Variants in ABCC5 observed in about 807,000 individuals in gnomAD.
ABCC5 encodes the protein ATP-binding cassette sub-family C member 5.
A neutral mutation model predicts 160.9 loss-of-function variants in ABCC5; 61 were observed. The ratio of observed to expected loss-of-function variants is 0.38; its 90% CI spans 0.31 to 0.47. The LOEUF (loss-of-function observed/expected upper bound fraction) is 0.47. Ranked by LOEUF, ABCC5 falls within the 20% of genes least tolerant of loss-of-function variation. ABCC5 has a pLI of 0.99. For synonymous variants in ABCC5, 666 were observed against 700.6 expected (o/e 0.95, Z 0.78); for missense variants, 1,308 against 1,813.3 (o/e 0.72, Z 5.06).
chr3:183,975,515 G>T (rs1718137180), intron 10 of ABCC5, among the ~76,000 whole-genome samples: 1 of 151,746 alleles, frequency 6.6e-6, no homozygotes, highest in Non-Finnish European at 1.5e-5. Flanking sequence ...CTAATTTTTT[G>T]GATTTTTAGT....
chr3:183,978,870 C>A (rs1278980166), intron 8 of ABCC5, among the ~76,000 whole-genome samples: 1 of 152,192 alleles, frequency 6.6e-6, no homozygotes, highest in Non-Finnish European at 1.5e-5. Context: ...TGAACTCAAT[C>A]ATCATCTTCT....
chr3:183,923,155 G>A (rs1466721553), intron 29 of ABCC5, among the ~76,000 whole-genome samples: 2 of 151,174 alleles, frequency 1.3e-5, no homozygotes, highest in East Asian at 1.9e-4. Flanking sequence ...CTTTTCTGGT[G>A]TGTGTGTGGT....
In ABCC5 at chr3:183,963,411, C is replaced by T. The variant is rs779669395; in HGVS notation, c.2209G>A (p.Val737Ile). 6.2e-7 allele frequency: 1 copy of T among 1,614,246 alleles called. No individual in the cohort carries two copies. The change falls in exon 15 of 30, where the codon GTT becomes ATT. Residue 737 changes from valine (V) to isoleucine (I), a missense_variant. Val to Ile is a conservative substitution (Grantham distance 29, BLOSUM62 3). Coordinates refer to ENST00000334444, the MANE Select transcript of ABCC5 (RefSeq NM_005688.4). This position sits in a 1 kb window ranked among gnomAD's most constrained non-coding sequence, Gnocchi z 4.6. ...TGTAACTGGTGGGTAACAAACAGAA[C>T]TGTCTTGGACTTGAGATGTTTCCGG... ...AIRKHLKSKT[V>I]LFVTHQLQYL... is the part of the protein sequence containing the mutation.
At chr3:183,994,718 T>C (rs1186923566) in intron 2 of ABCC5, among the ~76,000 whole-genome samples, 4 of 152,158 alleles carry the variant, frequency 2.6e-5, no homozygotes, top group African/African-American at 7.2e-5. Flanking sequence ...ATAGGTGTGG[T>C]ATGGTATCTT....
chr3:183,962,509 G>A, intron 15 of ABCC5, among the ~76,000 whole-genome samples: 1 of 151,656 alleles, frequency 6.6e-6, no homozygotes, highest in Admixed American at 6.6e-5. Context: ...CATAGTATAA[G>A]GAGCAGTTCC....
Position 184,014,369 on chromosome 3 carries a change from T to G in ABCC5, c.24A>C (p.Lys8Asn), listed in dbSNP as rs200090959. The change falls in exon 2 of 30, where the codon AAA becomes AAC. Residue 8 changes from lysine to asparagine, a missense_variant. By Grantham distance (94) the Lys-to-Asn change is moderately conservative. Around this residue, in one of 3 missense-constraint regions of ABCC5, gnomAD observed 1,142 missense variants for 1,527.1 expected, o/e 0.75. Transcript: ENST00000334444. ...ACCCAGGACTGGGGATGATATACTC[T>G]TTTCCTATGTCGATATCCTTCATCT... MKDIDIG[K>N]EYIIPSPGYR... 86 of 1,613,354 alleles carry G rather than the reference T, an allele frequency of 5.3e-5. No individual in the cohort carries two copies. Among genetic ancestry groups the G allele is most frequent in the Middle Eastern group, 1.6e-4 (1 of 6,084 alleles).
intron 26 of ABCC5, among the ~76,000 whole-genome samples, chr3:183,935,866 T>C (rs1713661141): frequency 6.6e-6 from 1 of 152,216 alleles, no homozygotes; most frequent in South Asian, 2.1e-4. Flanking sequence ...CCAAAGAGAA[T>C]GGTTTATTAT....
Position 183,982,333 on chromosome 3 carries a change from G to T in ABCC5, c.999+118C>A. 8.3e-7 allele frequency: 1 copy of T among 1,202,234 alleles called. No homozygotes were observed. The highest frequency in any genetic ancestry group is 1.2e-6 in the Non-Finnish European group (1 of 868,408). 74.5% of individuals were successfully genotyped at this position (1,202,234 alleles called of 1,614,324 possible). On this transcript the variant is annotated intron_variant, in intron 7 of 29. Transcript: ENST00000334444. This position sits in a 1 kb window ranked among gnomAD's most constrained non-coding sequence, Gnocchi z 5.2. ...CACTATCGAGCTCTAGATTGAACCT[G>T]CTTTGAGGAAATTTCCAATCAGAGC...
At chr3:184,000,813 A>C (rs1720689325) in intron 2 of ABCC5, 1 of 162,182 alleles carries the variant, frequency 6.2e-6, no homozygotes, top group African/African-American at 2.4e-5. Flanking sequence ...AACAGCTTAC[A>C]GGGATCTAAA....
intron 17 of ABCC5, among the ~76,000 whole-genome samples, 157 bp from the exon 18 acceptor site, chr3:183,953,427 T>A (rs1051280713): frequency 5.9e-5 from 9 of 152,132 alleles, no homozygotes; most frequent in African/African-American, 2.2e-4. Context: ...CTATTTAACA[T>A]TTACTGAGCA....
chr3:183,957,965 C>T (rs1263674221), intron 17 of ABCC5, among the ~76,000 whole-genome samples: 1 of 151,698 alleles, frequency 6.6e-6, no homozygotes, highest in Non-Finnish European at 1.5e-5. Flanking sequence ...ACATCGGTTA[C>T]ATGCGGATCC....
intron 27 of ABCC5, among the ~76,000 whole-genome samples, chr3:183,928,256 T>TGCA (rs1712802087): frequency 6.6e-6 from 1 of 151,762 alleles, no homozygotes; most frequent in South Asian, 2.1e-4. Context: ...GGATTACAGG[T>TGCA]GCATGCCACC....
intron 12 of ABCC5, among the ~76,000 whole-genome samples, chr3:183,966,032 C>A (rs1039506558): frequency 6.6e-6 from 1 of 152,180 alleles, no homozygotes; most frequent in Non-Finnish European, 1.5e-5. Flanking sequence ...TGCCCACAAG[C>A]AGTGATGAAC....
rs1717132320 is a variant in ABCC5, at chr3:183,965,471, T to C, written c.1864A>G (p.Ser622Gly). The C allele has an allele frequency of 1.2e-6, 2 of 1,613,784 alleles. No homozygotes were observed. Among genetic ancestry groups the C allele is most frequent in the Non-Finnish European group, 8.5e-7 (1 of 1,180,028 alleles). The change falls in exon 13 of 30, where the codon AGT (serine) becomes GGT (glycine). Residue 622 changes from serine (S) to glycine (G), a missense_variant. Physicochemically the swap from Ser to Gly is moderately conservative, Grantham distance 56 (BLOSUM62 0). Around this residue, in one of 3 missense-constraint regions of ABCC5, gnomAD observed 1,142 missense variants for 1,527.1 expected, o/e 0.75. Coordinates refer to ENST00000334444, the MANE Select transcript of ABCC5 (RefSeq NM_005688.4). ...TGGGCCACATAAGCGAAGGTTCCAC[T>C]GATTGCAATGCTGCCCTCTAGAAGC... ...MTLLEGSIAI[S>G]GTFAYVAQQA...
At chr3:184,001,215 C>T (rs773039896) in intron 2 of ABCC5, 21 of 527,242 alleles carry the variant, frequency 4.0e-5, no homozygotes, top group East Asian at 3.7e-4. Flanking sequence ...GTCATGCCAC[C>T]GCACTACAGT....
At chr3:183,998,959 A>C (rs1720516341) in intron 2 of ABCC5, among the ~76,000 whole-genome samples, 1 of 151,970 alleles carries the variant, frequency 6.6e-6, no homozygotes, top group Admixed American at 6.6e-5. Flanking sequence ...GCATGGTGGC[A>C]CATGCCTATA....
chr3:183,966,254 G>A (rs190344385), intron 12 of ABCC5, among the ~76,000 whole-genome samples: 10 of 152,312 alleles, frequency 6.6e-5, no homozygotes, highest in Admixed American at 1.3e-4. Flanking sequence ...CACACAGCGT[G>A]TACACACACA....
intron 23 of ABCC5, among the ~76,000 whole-genome samples, chr3:183,946,150 G>C (rs962846072): frequency 2.0e-5 from 3 of 152,174 alleles, no homozygotes; most frequent in African/African-American, 7.2e-5. Context: ...TCATGGCACT[G>C]CTGGAACCAC....
chr3:183,994,153 C>A (rs533530818), intron 2 of ABCC5, among the ~76,000 whole-genome samples: 1 of 151,642 alleles, frequency 6.6e-6, no homozygotes, highest in Non-Finnish European at 1.5e-5. Context: ...AGTAGAGATG[C>A]CATTTTGCCC....
Sources: allele counts gnomAD v4.1 joint callset (sites outside exome capture counted in the v4.1 genomes callset), GRCh38; gene constraint gnomAD v4.1.1; regional missense constraint gnomAD v4.1.1; non-coding constraint Gnocchi (gnomAD v3.1); transcripts MANE v1.5; gene names NCBI Gene and HGNC (gene_info 2026-07-23, HGNC 2026-07-21).